The following SOD2 variants were observed in gnomAD, a reference collection of about 807,000 sequenced individuals.
SOD2 encodes superoxide dismutase 2.
A neutral mutation model predicts 27.0 loss-of-function variants in SOD2; 11 were observed. The ratio of observed to expected loss-of-function variants is 0.41; its 90% CI spans 0.26 to 0.67. The LOEUF (loss-of-function observed/expected upper bound fraction) is 0.67. Among genes scored for constraint, SOD2 ranks in the 30% least tolerant of loss-of-function variants. SOD2 has a pLI of 0.34. For missense variants in SOD2, 250 were observed against 274.5 expected, an observed-to-expected ratio of 0.91 and a Z score of 0.63; for synonymous variants, 105 against 103.0, an observed-to-expected ratio of 1.02 and a Z score of -0.12.
At chr6:159,720,885 CTTG>C (rs997625464) in intron 1 of SOD2, among the ~76,000 whole-genome samples, 10 of 69,298 alleles carry the variant, frequency 1.4e-4, no homozygotes, top group Middle Eastern at 0.019. Context: ...GAGACAGTGT[CTTG>C]TTGTGTCGCC....
intron 1 of SOD2, chr6:159,727,055 T>G: frequency 1.6e-6 from 2 of 1,217,234 alleles, no homozygotes; most frequent in Non-Finnish European, 2.1e-6. Context: ...TACTTCCACC[T>G]TCCCTTCCCG....
At chr6:159,702,676 AAAAG>A (rs1162195620) in intron 1 of SOD2, among the ~76,000 whole-genome samples, 150 of 143,126 alleles carry the variant, frequency 1.0e-3, no homozygotes, top group African/African-American at 1.6e-3. Context: ...AAAAAAAAAA[AAAAG>A]AAAGAAAGAA....
At chr6:159,754,713 A>G (rs1779941147) in intron 1 of SOD2, among the ~76,000 whole-genome samples, 1 of 152,204 alleles carries the variant, frequency 6.6e-6, no homozygotes, top group Non-Finnish European at 1.5e-5. Context: ...GGGGATAATG[A>G]CAAGAAAAAA....
At chr6:159,689,948 A>G (rs1780371344) in intron 2 of SOD2, among the ~76,000 whole-genome samples, 1 of 150,330 alleles carries the variant, frequency 6.7e-6, no homozygotes, top group Admixed American at 6.7e-5. Context: ...CGACAGGGCA[A>G]TACTCCGTCA....
Position 159,712,095 on chromosome 6 carries a change from CATA to C in SOD2, c.-116+15031_-116+15033del, listed in dbSNP as rs1777801777. ...CTGCTCAGACCTCCATAACCACCTC[CATA>C]ACCACCACTCAGCTGCTCAGACCTC... On this transcript the variant is annotated intron_variant, in intron 1 of 2. Transcript: ENST00000401980. Among the ~76,000 whole-genome samples, 4 of 44,834 alleles carry C rather than the reference CATA, an allele frequency of 8.9e-5. 2 individuals are homozygous for C. The highest frequency in any genetic ancestry group is 2.3e-4 in the Non-Finnish European group (4 of 17,736). 29.4% of individuals were successfully genotyped at this position (44,834 alleles called of 152,430 possible).
chr6:159,711,940 T>C (rs376033319), intron 1 of SOD2, among the ~76,000 whole-genome samples: 76 of 107,862 alleles, frequency 7.0e-4, no homozygotes, highest in Non-Finnish European at 7.7e-4. Flanking sequence ...CAACCACCAC[T>C]CACATTGCTC....
At position 159,679,423 on chromosome 6, in the gene SOD2, A is replaced by G. The variant is rs1008295321; in HGVS notation, c.*3070T>C. 1.3e-5 allele frequency: 2 copies of G among 152,232 alleles called. No homozygotes were observed. The highest frequency in any genetic ancestry group is 4.8e-5 in the African/African-American group (2 of 41,466). 9.4% of individuals were successfully genotyped at this position (152,232 alleles called of 1,614,324 possible). On this transcript the variant is annotated 3_prime_UTR_variant, in exon 5 of 5. Transcript: ENST00000538183. ...TATACGTGGTTTTAGATATGACTCAATATACATAGATTTTAACTTTATGGT... is the reference window on the plus strand; with the variant it reads ...TATACGTGGTTTTAGATATGACTCAGTATACATAGATTTTAACTTTATGGT...
At chr6:159,686,926 C>T (rs952565628) in intron 3 of SOD2, among the ~76,000 whole-genome samples, 7 of 152,170 alleles carry the variant, frequency 4.6e-5, no homozygotes, top group Non-Finnish European at 7.3e-5. Flanking sequence ...ACAAGCTACA[C>T]AGGAAGTCAA....
intron 1 of SOD2, among the ~76,000 whole-genome samples, chr6:159,740,409 T>C (rs1011417204): frequency 1.3e-5 from 2 of 152,248 alleles, no homozygotes; most frequent in African/African-American, 2.4e-5. Flanking sequence ...TTTTTCTCTT[T>C]GATTCCCTTG....
chr6:159,761,536 C>T (rs1357358181), exon 1 of SOD2: 2 of 456,452 alleles, frequency 4.4e-6, no homozygotes, highest in Admixed American at 4.7e-5. Flanking sequence ...TAGGACCTCC[C>T]GAAGCCGCCG....
At position 159,684,919 on chromosome 6, in the gene SOD2, T is replaced by C. The variant is rs1304608300; in HGVS notation, c.458A>G (p.Asn153Ser). 25 of 1,613,692 alleles carry C rather than the reference T, an allele frequency of 1.5e-5. No homozygotes were observed. The highest frequency in any genetic ancestry group is 1.6e-4 in the Middle Eastern group (1 of 6,082). The change falls in exon 4 of 5, where the codon AAT (asparagine) becomes AGT (serine). Residue 153 changes from asparagine (N) to serine (S), a missense_variant. Physicochemically the swap from Asn to Ser is conservative, Grantham distance 46 (BLOSUM62 1). Coordinates refer to ENST00000538183, the MANE Select transcript of SOD2 (RefSeq NM_000636.4). ...AATTTGTAAGTGTCCCCGTTCCTTA[T>C]TGAAACCAAGCCAACCCCAACCTGA... ...QGSGWGWLGFNKERGHLQIAA... is the reference protein window; with the variant it reads ...QGSGWGWLGFSKERGHLQIAA...
upstream of SOD2, chr6:159,731,039 G>C (rs1476498762): frequency 6.6e-6 from 1 of 152,410 alleles, no homozygotes; most frequent in Non-Finnish European, 1.5e-5. Flanking sequence ...TCCTTGGGAG[G>C]CTGAGGCAGT....
At position 159,669,112 on chromosome 6, in the gene SOD2, G is replaced by T. The variant is rs1779604087; in HGVS notation, c.*13381C>A. 1 of 152,146 alleles carries T rather than the reference G, an allele frequency of 6.6e-6. No individual in the cohort carries two copies. The highest frequency in any genetic ancestry group is 1.5e-5 in the Non-Finnish European group (1 of 68,026). 9.4% of individuals were successfully genotyped at this position (152,146 alleles called of 1,614,324 possible). On this transcript the variant is annotated 3_prime_UTR_variant, in exon 5 of 5. Transcript: ENST00000538183. ...TAAATCAGAAAATTACAGCATTTTT[G>T]TACATGAAAAAGCTTTCCCCCTACA...
In SOD2 at chr6:159,681,580, C is replaced by G. The variant is rs1190916110; in HGVS notation, c.*913G>C. 6.6e-6 allele frequency: 1 copy of G among 152,260 alleles called. No homozygotes were observed. Among genetic ancestry groups the G allele is most frequent in the South Asian group, 2.1e-4 (1 of 4,814 alleles). 9.4% of individuals were successfully genotyped at this position (152,260 alleles called of 1,614,324 possible). The stretch of plus-strand genomic sequence containing the variant: ...CAGGGAGTCTTTGAATCCACCATAA[C>G]CTGTAAGCCCGCCCCCTGCCTACCC... On this transcript the variant is annotated 3_prime_UTR_variant, in exon 5 of 5. Transcript: ENST00000538183.
intron 1 of SOD2, among the ~76,000 whole-genome samples, chr6:159,711,539 T>C (rs199965167): frequency 0.14 from 2,962 of 21,926 alleles, 53 homozygotes; most frequent in African/African-American, 0.28. Flanking sequence ...ACCACTCACA[T>C]TGCTCTGATC....
rs754614257 is a variant in SOD2, at chr6:159,727,256, C to T, written c.-243G>A. The T allele has an allele frequency of 1.7e-5, 22 of 1,283,106 alleles. No homozygotes were observed. In the South Asian group the frequency reaches 2.2e-4, roughly 13 times the overall value. The allele number at this position is 1,283,106 out of a possible 1,614,324, so 79.5% of individuals were successfully genotyped here. On this transcript the variant is annotated 5_prime_UTR_variant, in exon 1 of 3. Coordinates refer to the SOD2 transcript ENST00000401980. Reference sequence around the variant, plus strand: ...CGATCGGGCTAGGCCGACGGCCTCCCTCCCTTCACCTTTCCTCTCCTGGCG... The same window carrying T: ...CGATCGGGCTAGGCCGACGGCCTCCTTCCCTTCACCTTTCCTCTCCTGGCG...
intron 1 of SOD2, among the ~76,000 whole-genome samples, chr6:159,744,391 A>G (rs1359675235): frequency 6.6e-6 from 1 of 152,198 alleles, no homozygotes; most frequent in Non-Finnish European, 1.5e-5. Flanking sequence ...TTCTGATTTT[A>G]AAATCTGAAT....
chr6:159,748,069 A>G, upstream of SOD2: 1 of 1,243,596 alleles, frequency 8.0e-7, no homozygotes, highest in Non-Finnish European at 1.1e-6. The surrounding 1 kb of genome is among the most constrained non-coding windows in gnomAD (Gnocchi z 5.6). Context: ...GAATTTCAGG[A>G]TCAAAGAGGG....
chr6:159,707,173 T>C (rs1777643627), intron 1 of SOD2, among the ~76,000 whole-genome samples: 1 of 151,832 alleles, frequency 6.6e-6, no homozygotes, highest in Non-Finnish European at 1.5e-5. Context: ...GCAGGAAAGA[T>C]CTAAAATTGA....
Sources: allele counts gnomAD v4.1 joint callset (sites outside exome capture counted in the v4.1 genomes callset), GRCh38; gene constraint gnomAD v4.1.1; non-coding constraint Gnocchi (gnomAD v3.1); transcripts MANE v1.5; gene names NCBI Gene and HGNC (gene_info 2026-07-23, HGNC 2026-07-21).